The following TG variants were observed in gnomAD, a reference collection of about 807,000 sequenced individuals.
TG encodes thyroglobulin.
In TG, 270 loss-of-function variants were observed where a neutral mutation model predicts 324.7. The ratio of observed to expected loss-of-function variants is 0.83; its 90% CI spans 0.75 to 0.92. TG has a LOEUF of 0.92. TG is among the 40% of genes least tolerant of loss of function. The pLI, the probability that TG is intolerant of heterozygous loss-of-function variation, is 0.00. For missense variants in TG, 3,591 were observed against 3,456.4 expected, an observed-to-expected ratio of 1.04 and a Z score of -0.98; for synonymous variants, 1,401 against 1,327.0, an observed-to-expected ratio of 1.06 and a Z score of -1.21.
chr8:133,003,655 G>A (rs1181518301), intron 35 of TG, among the ~76,000 whole-genome samples: 1 of 152,132 alleles, frequency 6.6e-6, no homozygotes, highest in Non-Finnish European at 1.5e-5. Flanking sequence ...AGGAATAGAA[G>A]TGCCTCCATG....
At chr8:133,109,328 C>A (rs1850078988) in intron 43 of TG, among the ~76,000 whole-genome samples, 1 of 152,188 alleles carries the variant, frequency 6.6e-6, no homozygotes, top group African/African-American at 2.4e-5. Flanking sequence ...TTTCAGTCTA[C>A]TTTAACGCTT....
At chr8:132,983,045 C>T (rs1831078304) in intron 34 of TG, among the ~76,000 whole-genome samples, 1 of 152,124 alleles carries the variant, frequency 6.6e-6, no homozygotes, top group Non-Finnish European at 1.5e-5. Context: ...AAACTTGAGG[C>T]AAGAAGCTGC....
intron 41 of TG, among the ~76,000 whole-genome samples, chr8:133,043,625 C>T (rs1423524624): frequency 6.6e-6 from 1 of 152,196 alleles, no homozygotes; most frequent in Non-Finnish European, 1.5e-5. Flanking sequence ...GGGTAGCTGA[C>T]CTTGCCCAAG....
At chr8:132,927,345 C>G (rs968202256) in intron 22 of TG, among the ~76,000 whole-genome samples, 1 of 150,642 alleles carries the variant, frequency 6.6e-6, no homozygotes, top group Non-Finnish European at 1.5e-5. Context: ...AGTGAGGGTT[C>G]AAATATGATC....
intron 41 of TG, among the ~76,000 whole-genome samples, chr8:133,055,093 C>T (rs189596444): frequency 1.5e-3 from 229 of 152,196 alleles, no homozygotes; most frequent in East Asian, 5.2e-3. Flanking sequence ...GGGTCCTTCA[C>T]GGAGCCACAC....
intron 41 of TG, among the ~76,000 whole-genome samples, chr8:133,089,083 G>A (rs921776243): frequency 2.0e-5 from 3 of 152,104 alleles, no homozygotes; most frequent in South Asian, 2.1e-4. Flanking sequence ...AGGAGAGGTC[G>A]GTGCGAGGGT....
intron 41 of TG, among the ~76,000 whole-genome samples, chr8:133,033,248 C>G (rs1426868521): frequency 1.3e-5 from 2 of 152,206 alleles, no homozygotes; most frequent in African/African-American, 4.8e-5. Flanking sequence ...TCTTGCACAA[C>G]ATAGGAACTC....
chr8:133,047,748 A>G (rs1587873255), intron 41 of TG: 2 of 825,040 alleles, frequency 2.4e-6, no homozygotes, highest in African/African-American at 1.7e-5. Context: ...AGGAAGGAAA[A>G]TGAAGCCGTG....
At chr8:132,989,349 A>T (rs570977738) in intron 35 of TG, among the ~76,000 whole-genome samples, 1 of 152,354 alleles carries the variant, frequency 6.6e-6, no homozygotes, top group Non-Finnish European at 1.5e-5. Flanking sequence ...TCTCCATTCT[A>T]TGTGTGTTTC....
At chr8:132,867,811 G>A (rs1331566601) in intron 1 of TG, among the ~76,000 whole-genome samples, 1 of 152,120 alleles carries the variant, frequency 6.6e-6, no homozygotes, top group Non-Finnish European at 1.5e-5. Flanking sequence ...TGTAGTCCCA[G>A]CGTTGATTTT....
chr8:133,049,526 T>G (rs1840036822), intron 41 of TG: 1 of 292,600 alleles, frequency 3.4e-6, no homozygotes, highest in African/African-American at 2.2e-5. Context: ...ATAAAAAGCT[T>G]GTTCACTGGC....
intron 8 of TG, among the ~76,000 whole-genome samples, chr8:132,886,167 T>C (rs1244036864): frequency 1.3e-5 from 2 of 152,144 alleles, no homozygotes; most frequent in Admixed American, 1.3e-4. Flanking sequence ...TTTCAGAAAG[T>C]GAGCCAGTAT....
In TG at chr8:132,888,129, C is replaced by T; in HGVS notation, c.2322C>T (p.Cys774=). The T allele has an allele frequency of 6.2e-7, 1 of 1,614,096 alleles. No individual in the cohort carries two copies. Among genetic ancestry groups the T allele is most frequent in the Non-Finnish European group, 8.5e-7 (1 of 1,180,006 alleles). ...STDGQWRQVQ[C]NGPPEQVFEL... is the part of the protein sequence containing the mutation. The stretch of plus-strand genomic sequence containing the variant: ...ATGGGCAGTGGAGACAAGTGCAATG[C>T]AATGGGCCTCCTGAGCAGGTCTTCG... The change falls in exon 10 of 48, where the codon TGC becomes TGT. Residue 774 remains cysteine (C), a synonymous_variant. Coordinates refer to ENST00000220616, the MANE Select transcript of TG (RefSeq NM_003235.5).
chr8:132,940,221 G>C (rs1824248118), intron 25 of TG, among the ~76,000 whole-genome samples: 1 of 152,350 alleles, frequency 6.6e-6, no homozygotes, highest in Non-Finnish European at 1.5e-5. Context: ...GGAGGTCAGA[G>C]TGGTGAAGGG....
rs569917788 is a variant in TG, at chr8:133,029,723, G to A, written c.7037-98G>A. ...GTGAGGACAAGAGCCCAGAGCCCCT[G>A]GCGGGGCCGCATATATGCCTGCCAT... On this transcript the variant is annotated intron_variant, in intron 40 of 47. Transcript: ENST00000220616. 1.9e-5 allele frequency: 27 copies of A among 1,441,870 alleles called. No individual in the cohort carries two copies. The African/African-American group carries it at 3.5e-4, about 19-fold the overall frequency. The allele number at this position is 1,441,870 out of a possible 1,614,324, so 89.3% of individuals were successfully genotyped here.
intron 45 of TG, among the ~76,000 whole-genome samples, chr8:133,128,350 C>G (rs1180100491): frequency 1.4e-5 from 2 of 146,372 alleles, no homozygotes; most frequent in African/African-American, 5.4e-5. Flanking sequence ...CACACACACA[C>G]ACACACACAC....
rs536964351 is a variant in TG, at chr8:133,102,478, C to G, written c.7572+6105C>G. On this transcript the variant is annotated intron_variant, in intron 43 of 47. Coordinates refer to ENST00000220616, the MANE Select transcript of TG (RefSeq NM_003235.5). ...GGATCCATCAAGTCCCTCTGAAGAC[C>G]CTCCCCCACATACCACCCCAGGCCA... The G allele has an allele frequency of 2.4e-5, 33 of 1,353,956 alleles. No individual in the cohort carries two copies. In the South Asian group the frequency reaches 3.7e-4, roughly 15 times the overall value. 83.9% of individuals were successfully genotyped at this position (1,353,956 alleles called of 1,614,324 possible). A position where few individuals can be genotyped will look rare whatever the true frequency, so the allele number is the denominator to read the frequency against.
chr8:133,128,337 GCACACA>G (rs59451880), intron 45 of TG, among the ~76,000 whole-genome samples: 4,331 of 133,736 alleles, frequency 0.032, 179 homozygotes, highest in African/African-American at 0.089. Context: ...CAAAAGGCGT[GCACACA>G]CACACACACA....
At chr8:133,047,942 G>A in intron 41 of TG, 5 of 1,560,480 alleles carry the variant, frequency 3.2e-6, no homozygotes, top group Non-Finnish European at 4.4e-6. Context: ...AGCTGGGAAG[G>A]AGGAAGACAG....
Sources: allele counts gnomAD v4.1 joint callset (sites outside exome capture counted in the v4.1 genomes callset), GRCh38; gene constraint gnomAD v4.1.1; transcripts MANE v1.5; gene names NCBI Gene and HGNC (gene_info 2026-07-23, HGNC 2026-07-21).